The following SGCZ variants were observed in gnomAD, a reference collection of about 807,000 sequenced individuals.
SGCZ encodes sarcoglycan zeta, also known as zeta-sarcoglycan.
Under a neutral mutation model 41.3 loss-of-function variants are expected in SGCZ, and 40 were observed. That is an observed-to-expected ratio of 0.97 (90% confidence interval 0.75 to 1.26). The LOEUF (loss-of-function observed/expected upper bound fraction) is 1.26, where lower values mean the gene tolerates loss of function less well. Among genes scored for constraint, SGCZ ranks in the 50% most tolerant of loss-of-function variants. The pLI is 0.00. For synonymous variants in SGCZ, 206 were observed against 137.5 expected, an observed-to-expected ratio of 1.50 and a Z score of -3.49; for missense variants, 552 against 369.8, an observed-to-expected ratio of 1.49 and a Z score of -4.04.
At chr8:15,083,725 C>T (rs1024481074) in intron 1 of SGCZ, among the ~76,000 whole-genome samples, 3 of 151,954 alleles carry the variant, frequency 2.0e-5, no homozygotes, top group African/African-American at 4.8e-5. Context: ...ATTGTTTTGG[C>T]GTCTGCTGTT....
chr8:14,195,436 T>G, intron 4 of SGCZ, among the ~76,000 whole-genome samples: 1 of 152,076 alleles, frequency 6.6e-6, no homozygotes, highest in East Asian at 1.9e-4. Flanking sequence ...GTTCACGTAC[T>G]TAGAATTTGG....
intron 1 of SGCZ, among the ~76,000 whole-genome samples, chr8:14,864,984 T>C (rs1316806083): frequency 1.3e-5 from 2 of 151,906 alleles, no homozygotes; most frequent in African/African-American, 2.4e-5. Context: ...ATTTGCTCAA[T>C]TTTTAGCCCA....
chr8:15,003,646 T>C (rs1563427769), intron 1 of SGCZ, among the ~76,000 whole-genome samples: 2 of 152,152 alleles, frequency 1.3e-5, no homozygotes, highest in Non-Finnish European at 1.5e-5. Context: ...ATAACATGTT[T>C]TTATATGACT....
chr8:14,515,007 T>A (rs150403024), intron 2 of SGCZ, among the ~76,000 whole-genome samples: 132 of 152,132 alleles, frequency 8.7e-4, no homozygotes, highest in Non-Finnish European at 1.6e-3. Context: ...AATATTAAAT[T>A]ACATCAAGTA....
chr8:14,546,275 A>G (rs373715133), intron 2 of SGCZ, among the ~76,000 whole-genome samples: 6 of 152,150 alleles, frequency 3.9e-5, no homozygotes, highest in East Asian at 1.9e-4. Context: ...GGCAAGTGCC[A>G]TGATGTGCGT....
intron 1 of SGCZ, among the ~76,000 whole-genome samples, chr8:14,801,707 C>A (rs1801326223): frequency 6.6e-6 from 1 of 152,056 alleles, no homozygotes; most frequent in African/African-American, 2.4e-5. Context: ...AGAAAACTTG[C>A]TAGAAGGATC....
chr8:14,093,832 T>C (rs1801761469), intron 7 of SGCZ, among the ~76,000 whole-genome samples: 1 of 152,138 alleles, frequency 6.6e-6, no homozygotes, highest in African/African-American at 2.4e-5. Flanking sequence ...TGCTAATCTT[T>C]CTTCTCTCAT....
At chr8:14,310,186 AATTT>A (rs1193610415) in intron 3 of SGCZ, among the ~76,000 whole-genome samples, 2 of 152,016 alleles carry the variant, frequency 1.3e-5, no homozygotes, top group African/African-American at 4.8e-5. Context: ...GATAGATTTT[AATTT>A]ATTTGTTTCC....
chr8:15,028,987 C>G (rs116305919), intron 1 of SGCZ, among the ~76,000 whole-genome samples: 2 of 152,006 alleles, frequency 1.3e-5, no homozygotes, highest in African/African-American at 4.8e-5. Flanking sequence ...TTCCTGCATA[C>G]TGATGAACTA....
At chr8:15,028,666 T>C (rs1164686938) in intron 1 of SGCZ, among the ~76,000 whole-genome samples, 1 of 152,102 alleles carries the variant, frequency 6.6e-6, no homozygotes, top group African/African-American at 2.4e-5. Context: ...CTGAAAATGA[T>C]AGAAATGCTA....
intron 1 of SGCZ, among the ~76,000 whole-genome samples, chr8:15,087,793 T>C (rs757035186): frequency 3.3e-5 from 5 of 152,176 alleles, no homozygotes; most frequent in Non-Finnish European, 7.4e-5. Flanking sequence ...TTAAGTTTAC[T>C]CATAGTATGA....
At chr8:14,502,545 G>C (rs1027420192) in intron 2 of SGCZ, among the ~76,000 whole-genome samples, 1 of 151,920 alleles carries the variant, frequency 6.6e-6, no homozygotes, top group Non-Finnish European at 1.5e-5. Context: ...GAAAATTTTT[G>C]CGATCTATCC....
chr8:14,858,169 G>A lies in SGCZ; in HGVS notation c.40-303243C>T, dbSNP rs192758017. Among the ~76,000 whole-genome samples the A allele has an allele frequency of 3.6e-3, 553 of 151,852 alleles. 3 individuals are homozygous for A. Among genetic ancestry groups the A allele is most frequent in the Admixed American group, 5.1e-3 (77 of 15,244 alleles). On this transcript the variant is annotated intron_variant, in intron 1 of 7. Transcript: ENST00000382080. ...CCCTTACGTTCTTAAAATTAGTGAA[G>A]ACCCTAGAGAGCTATTGTGTATATA...
intron 4 of SGCZ, among the ~76,000 whole-genome samples, chr8:14,218,274 A>G (rs527906867): frequency 3.6e-4 from 55 of 152,346 alleles, no homozygotes; most frequent in African/African-American, 1.3e-3. Flanking sequence ...ACACTTTTGC[A>G]TTTTCCTGTA....
intron 1 of SGCZ, among the ~76,000 whole-genome samples, chr8:15,199,292 CA>C (rs1800824149): frequency 6.6e-6 from 1 of 152,130 alleles, no homozygotes; most frequent in African/African-American, 2.4e-5. Context: ...TCAGTGATAG[CA>C]GAAAGCAGCA....
At chr8:14,679,488 AATATATAT>A (rs1312804771) in intron 1 of SGCZ, among the ~76,000 whole-genome samples, 1 of 143,756 alleles carries the variant, frequency 7.0e-6, no homozygotes, top group Non-Finnish European at 1.5e-5. Flanking sequence ...TCAAAAAAGT[AATATATAT>A]ACATATATAT....
chr8:15,050,316 T>G (rs534170927), intron 1 of SGCZ, among the ~76,000 whole-genome samples: 21 of 152,140 alleles, frequency 1.4e-4, no homozygotes, highest in African/African-American at 4.8e-4. Flanking sequence ...GAACTTGTAG[T>G]TCAGAGGAGA....
At chr8:15,159,536 G>T (rs1276257287) in intron 1 of SGCZ, among the ~76,000 whole-genome samples, 1 of 152,108 alleles carries the variant, frequency 6.6e-6, no homozygotes, top group African/African-American at 2.4e-5. Context: ...GGTAGATGCT[G>T]CCAGAGTTGA....
intron 1 of SGCZ, among the ~76,000 whole-genome samples, chr8:15,040,542 G>A (rs914051847): frequency 6.6e-6 from 1 of 152,184 alleles, no homozygotes; most frequent in African/African-American, 2.4e-5. Flanking sequence ...GCTTGTAACC[G>A]GGAGGCGGAG....
Sources: gnomAD v4.1 joint callset for allele counts (sites outside exome capture counted in the v4.1 genomes callset) on GRCh38, gnomAD v4.1.1 for gene constraint, MANE v1.5 for transcripts, NCBI Gene and HGNC (gene_info 2026-07-23, HGNC 2026-07-21) for gene names.